AATK: variants seen among roughly 807,000 people sequenced by gnomAD.
AATK encodes lemur tail kinase 1.
In AATK, 91 loss-of-function variants were observed where a neutral mutation model predicts 114.3. That is an observed-to-expected ratio of 0.80 (90% CI 0.67 to 0.95). The LOEUF (loss-of-function observed/expected upper bound fraction) is 0.95. Ranked by LOEUF, AATK falls within the 40% of genes least tolerant of loss-of-function variation. The pLI is 0.00. For synonymous variants in AATK, 1,075 were observed against 916.5 expected (o/e 1.17, Z -3.12); for missense variants, 2,176 against 1,965.2 (o/e 1.11, Z -2.03).
At chr17:81,139,642 G>A (rs1019350937) in intron 1 of AATK, among the ~76,000 whole-genome samples, 6 of 150,668 alleles carry the variant, frequency 4.0e-5, no homozygotes, top group African/African-American at 9.8e-5. Context: ...CAGGCCTTAT[G>A]AGAGCCCAAG....
In AATK at chr17:81,126,577, T is replaced by C. The variant is rs1360813574; in HGVS notation, c.622-17A>G. 3.3e-6 allele frequency: 5 copies of C among 1,530,728 alleles called. No homozygotes were observed. Among genetic ancestry groups the C allele is most frequent in the Non-Finnish European group, 4.4e-6 (5 of 1,131,638 alleles). The allele number at this position is 1,530,728 out of a possible 1,614,324, so 94.8% of individuals were successfully genotyped here. On this transcript the variant is annotated splice_polypyrimidine_tract_variant and intron_variant, in intron 6 of 13. Transcript: ENST00000326724. The surrounding 1 kb of genome is among the most constrained non-coding windows in gnomAD (Gnocchi z 5.1). ...GAGGTCCCCCTGCAGAAAGGGGGTG[T>C]GGCGCAGTCACCAGCAGGCTGGGGG...
chr17:81,158,452 C>T (rs1226391996), intron 1 of AATK, among the ~76,000 whole-genome samples: 1 of 152,228 alleles, frequency 6.6e-6, no homozygotes, highest in Non-Finnish European at 1.5e-5. Context: ...CGGCTCCTGC[C>T]GCAAGTGCTC....
rs1405102558 is a variant in AATK at position 81,120,813 on chromosome 17, A to G, written c.3123T>C (p.Pro1041=). The stretch of plus-strand genomic sequence containing the variant: ...AGCCTTGTGCCTCCCCGGAAACCCC[A>G]GGCCTGAGACAGACCTGCTCAGACG... ...GQPSEQVCLR[P]GVSGEAQGSG... Residue 1041 remains proline (P), a synonymous_variant, in exon 11 of 14, where the codon CCT becomes CCC. Transcript: ENST00000326724. 1 of 1,574,110 alleles carries G rather than the reference A, an allele frequency of 6.4e-7. No homozygotes were observed. The highest frequency in any genetic ancestry group is 8.6e-7 in the Non-Finnish European group (1 of 1,160,416).
At chr17:81,119,268 G>GAGCGT in intron 13 of AATK, 112 bp downstream of exon 13, 1 of 1,170,272 alleles carries the variant, frequency 8.5e-7, no homozygotes, top group Non-Finnish European at 1.1e-6. Flanking sequence ...GAGCGGAGCG[G>GAGCGT]AGCGGAGCCG....
intron 1 of AATK, among the ~76,000 whole-genome samples, chr17:81,157,910 C>T (rs569433375): frequency 6.6e-6 from 1 of 152,358 alleles, no homozygotes; most frequent in Admixed American, 6.5e-5. Flanking sequence ...TTCGTGGGGG[C>T]CTACCCTCCT....
At chr17:81,138,476 CA>C (rs1567817891) in intron 1 of AATK, among the ~76,000 whole-genome samples, 3 of 148,430 alleles carry the variant, frequency 2.0e-5, no homozygotes, top group African/African-American at 5.0e-5. Flanking sequence ...CACCCACATG[CA>C]CACATGCATG....
intron 1 of AATK, 109 bp from the exon 2 acceptor site, chr17:81,134,610 G>T (rs1171742060): frequency 1.4e-6 from 2 of 1,407,546 alleles, no homozygotes; most frequent in East Asian, 5.0e-5. Flanking sequence ...TCCAGGCTGG[G>T]CCTCAGCACC....
chr17:81,139,697 G>A (rs968132194), intron 1 of AATK, among the ~76,000 whole-genome samples: 5 of 152,182 alleles, frequency 3.3e-5, no homozygotes, highest in Admixed American at 3.3e-4. Flanking sequence ...TCCAACCCTG[G>A]TGACCCCTGC....
rs1351435088 is a variant in AATK at position 81,121,723 on chromosome 17, T to C, written c.2213A>G (p.Glu738Gly). Residue 738 changes from glutamate (E) to glycine (G), a missense_variant, in exon 11 of 14, where the codon GAG (glutamate) becomes GGG (glycine). Physicochemically the swap from Glu to Gly is moderately conservative, Grantham distance 98. Coordinates refer to ENST00000326724, the MANE Select transcript of AATK (RefSeq NM_001080395.3). ...AGGGAGGCCGGGGCAGCAGCCTGGC[T>C]CCTGGGCAGAGGCTGCCTGGAGCCC... ...LLGLQAASAQ[E>G]PGCCPGLPHL... The C allele has an allele frequency of 8.0e-6, 12 of 1,496,732 alleles. No individual in the cohort carries two copies. In the East Asian group the frequency reaches 2.4e-4, roughly 30 times the overall value. The allele number at this position is 1,496,732 out of a possible 1,614,324, so 92.7% of individuals were successfully genotyped here.
rs2060700390 is a variant in AATK, at chr17:81,121,596, G to A, written c.2340C>T (p.Pro780=). The A allele has an allele frequency of 6.7e-7, 1 of 1,503,246 alleles. No individual in the cohort carries two copies. Among genetic ancestry groups the A allele is most frequent in the African/African-American group, 1.4e-5 (1 of 71,800 alleles). 93.1% of individuals were successfully genotyped at this position (1,503,246 alleles called of 1,614,324 possible). ...SSGGDHPQAE[P]KLATEAEGTT... is the part of the protein sequence containing the mutation. ...TGCCCTCAGCCTCCGTGGCAAGCTT[G>A]GGCTCTGCCTGCGGGTGGTCACCCC... The change falls in exon 11 of 14, where the codon CCC becomes CCT. Residue 780 remains proline, a synonymous_variant. Transcript: ENST00000326724.
Position 81,126,723 on chromosome 17 carries a change from C to T in AATK, c.622-163G>A, listed in dbSNP as rs2060832369. 1.4e-6 allele frequency: 2 copies of T among 1,419,198 alleles called. No individual in the cohort carries two copies. Among genetic ancestry groups the T allele is most frequent in the Non-Finnish European group, 1.8e-6 (2 of 1,088,096 alleles). 87.9% of individuals were successfully genotyped at this position (1,419,198 alleles called of 1,614,324 possible). A position where few individuals can be genotyped will look rare whatever the true frequency, so the allele number is the denominator to read the frequency against. ...GCACAGTGGCCAGCACCCAGCAGTTCCTGGAGGGGGGCCGTGTCCCCCAGG... is the reference window on the plus strand; with the variant it reads ...GCACAGTGGCCAGCACCCAGCAGTTTCTGGAGGGGGGCCGTGTCCCCCAGG... On this transcript the variant is annotated intron_variant, in intron 6 of 13. Transcript: ENST00000326724. The surrounding 1 kb of genome is among the most constrained non-coding windows in gnomAD (Gnocchi z 5.1).
intron 1 of AATK, among the ~76,000 whole-genome samples, chr17:81,151,037 G>T (rs975750782): frequency 3.3e-5 from 5 of 152,284 alleles, no homozygotes; most frequent in Admixed American, 1.3e-4. Context: ...AGATTCTTGG[G>T]GTTCCTGGGA....
At position 81,122,729 on chromosome 17, in the gene AATK, C is replaced by G; in HGVS notation, c.1207G>C (p.Ala403Pro). The change falls in exon 11 of 14, where the codon GCC becomes CCC. Residue 403 changes from alanine (A) to proline (P), a missense_variant. Ala to Pro is a conservative substitution (Grantham distance 27, BLOSUM62 -1). Around this residue, in one of 4 missense-constraint regions of AATK, gnomAD observed 273 missense variants for 344.1 expected, o/e 0.79. Transcript: ENST00000326724. The part of the protein sequence containing the change: ...LLLSYLCAKG[A>P]TEAEEEFERR... ...TCAAACTCCTCCTCTGCTTCGGTGG[C>G]GCCCTTGGCACACAGGTAGGACAGC... 1 of 1,594,070 alleles carries G rather than the reference C, an allele frequency of 6.3e-7. No homozygotes were observed. Among genetic ancestry groups the G allele is most frequent in the East Asian group, 2.3e-5 (1 of 43,768 alleles).
Position 81,119,435 on chromosome 17 carries a change from G to T in AATK, c.4029C>A (p.Pro1343=). ...CGTGCGTGATGGAGAAGCGGGACGTGGGCGCGGGCGACACCGTGAAGCGCG... is the reference window on the plus strand; with the variant it reads ...CGTGCGTGATGGAGAAGCGGGACGTTGGCGCGGGCGACACCGTGAAGCGCG... The part of the protein sequence containing the change: ...PFSRFTVSPA[P]TSRFSITHVS... Residue 1343 remains proline (P), a synonymous_variant, in exon 13 of 14, where the codon CCC becomes CCA. Transcript: ENST00000326724. 1 of 1,522,086 alleles carries T rather than the reference G, an allele frequency of 6.6e-7. No homozygotes were observed. The highest frequency in any genetic ancestry group is 2.2e-5 in the Admixed American group (1 of 46,172). The allele number at this position is 1,522,086 out of a possible 1,614,324, so 94.3% of individuals were successfully genotyped here.
At position 81,121,035 on chromosome 17, in the gene AATK, G is replaced by A. The variant is rs769766834; in HGVS notation, c.2901C>T (p.Ala967=). The stretch of plus-strand genomic sequence containing the variant: ...CGGGCCCGGGGCCCTCACCCTCTGA[G>A]GCCAGCTCCGCAAAGGCCTGGGGCT... ...GCEPQAFAEL[A]SEGEGPGPET... Residue 967 remains alanine (A), a synonymous_variant, in exon 11 of 14, where the codon GCC becomes GCT. Transcript: ENST00000326724. 9 of 1,609,616 alleles carry A rather than the reference G, an allele frequency of 5.6e-6. No homozygotes were observed. The highest frequency in any genetic ancestry group is 7.6e-6 in the Non-Finnish European group (9 of 1,178,698).
chr17:81,138,259 A>C (rs1054302343), intron 1 of AATK, among the ~76,000 whole-genome samples: 16 of 147,268 alleles, frequency 1.1e-4, no homozygotes, highest in Non-Finnish European at 1.9e-4. Flanking sequence ...ATGCACAGAG[A>C]CATACCCACA....
In AATK at chr17:81,148,806, TCAC is replaced by T. The variant is rs1360250131; in HGVS notation, c.56-14308_56-14306del. Among the ~76,000 whole-genome samples, 3 of 55,930 alleles carry T rather than the reference TCAC, an allele frequency of 5.4e-5. No individual in the cohort carries two copies. The East Asian group carries it at 2.4e-3, about 45-fold the overall frequency. The allele number at this position is 55,930 out of a possible 152,430, so 36.7% of individuals were successfully genotyped here. Reference sequence around the variant, plus strand: ...CATGGAGATTCGCATATGCACACACTCACGCGCACACTCACGCACACACCCTTG... The same window carrying T: ...CATGGAGATTCGCATATGCACACACTGCGCACACTCACGCACACACCCTTG... On this transcript the variant is annotated intron_variant, in intron 1 of 13. Coordinates refer to ENST00000326724, the MANE Select transcript of AATK (RefSeq NM_001080395.3).
Position 81,134,443 on chromosome 17 carries a change from A to G in AATK, c.114T>C (p.Ser38=). The change falls in exon 2 of 14, where the codon TCT becomes TCC. Residue 38 remains serine (S), a synonymous_variant. Coordinates refer to ENST00000326724, the MANE Select transcript of AATK (RefSeq NM_001080395.3). ...WPSSLAVVAV[S]FSGLFAVIVL... The stretch of plus-strand genomic sequence containing the variant: ...CGATGACGGCGAAGAGCCCGGAGAA[A>G]GACACAGCCACCACGGCGAGGGAGG... 3.1e-6 allele frequency: 5 copies of G among 1,613,264 alleles called. No homozygotes were observed. The highest frequency in any genetic ancestry group is 4.2e-6 in the Non-Finnish European group (5 of 1,179,800).
At chr17:81,123,146 T>TA in intron 10 of AATK, 48 bp downstream of exon 10, 1 of 1,390,680 alleles carries the variant, frequency 7.2e-7, no homozygotes, top group South Asian at 1.6e-5. Context: ...GGGATCAGGA[T>TA]ACCCCATCTC....
Sources: gnomAD v4.1 joint callset for allele counts (sites outside exome capture counted in the v4.1 genomes callset) on GRCh38, gnomAD v4.1.1 for gene constraint, gnomAD v4.1.1 regional missense constraint, Gnocchi (gnomAD v3.1) non-coding constraint, MANE v1.5 for transcripts, NCBI Gene and HGNC (gene_info 2026-07-23, HGNC 2026-07-21) for gene names.